PIEZO2: variants seen among roughly 807,000 people sequenced by gnomAD.
PIEZO2 encodes piezo-type mechanosensitive ion channel component 2.
A neutral mutation model predicts 337.3 loss-of-function variants in PIEZO2; 172 were observed. The observed-to-expected ratio is 0.51, with a 90% CI of 0.45 to 0.58. The LOEUF (loss-of-function observed/expected upper bound fraction) is 0.58. Ranked by LOEUF, PIEZO2 falls within the 20% of genes least tolerant of loss-of-function variation. PIEZO2 has a pLI of 0.00. For synonymous variants in PIEZO2, 1,251 were observed against 1,228.5 expected, an observed-to-expected ratio of 1.02 and a Z score of -0.38; for missense variants, 3,028 against 3,391.3, an observed-to-expected ratio of 0.89 and a Z score of 2.66.
At chr18:10,817,701 T>A (rs1968883) in intron 7 of PIEZO2, among the ~76,000 whole-genome samples, 28,339 of 151,856 alleles carry the variant, frequency 0.19, 2,698 homozygotes, top group Middle Eastern at 0.24. Context: ...AGGTGGGTGG[T>A]TCACGAGGTC....
chr18:10,915,897 TG>T (rs2030902711), intron 3 of PIEZO2, among the ~76,000 whole-genome samples: 1 of 151,722 alleles, frequency 6.6e-6, no homozygotes. Flanking sequence ...CACAGAGTGC[TG>T]ATTGGTGCAT....
Position 11,104,510 on chromosome 18 carries a change from GGGCA to G in PIEZO2, c.65-38292_65-38289del. Among the ~76,000 whole-genome samples, 1 of 152,172 alleles carries G rather than the reference GGGCA, an allele frequency of 6.6e-6. No individual in the cohort carries two copies. The highest frequency in any genetic ancestry group is 1.9e-4 in the East Asian group (1 of 5,178). On this transcript the variant is annotated intron_variant, in intron 1 of 55. Transcript: ENST00000674853. The surrounding 1 kb of genome is among the most constrained non-coding windows in gnomAD (Gnocchi z 4.6). The stretch of plus-strand genomic sequence containing the variant: ...AGGGGTGGGGCAGGGACGGCCTCCT[GGGCA>G]GGAGAGAAAGCTGGCCTGGAGCCAT...
rs1599003363 is a variant in PIEZO2 at position 11,128,833 on chromosome 18, A to C, written c.64+19692T>G. Among the ~76,000 whole-genome samples, 1 of 152,300 alleles carries C rather than the reference A, an allele frequency of 6.6e-6. No individual in the cohort carries two copies. Among genetic ancestry groups the C allele is most frequent in the East Asian group, 1.9e-4 (1 of 5,186 alleles). On this transcript the variant is annotated intron_variant, in intron 1 of 55. Coordinates refer to ENST00000674853, the MANE Select transcript of PIEZO2 (RefSeq NM_001378183.1). The surrounding 1 kb of genome is among the most constrained non-coding windows in gnomAD (Gnocchi z 4.1). ...GAACTGTTTGAGTTCTCTAATTTAT[A>C]TAAACAACAATCTGGAGAACAGGCC...
At chr18:10,967,218 C>T (rs1192413605) in intron 3 of PIEZO2, among the ~76,000 whole-genome samples, 4 of 151,920 alleles carry the variant, frequency 2.6e-5, no homozygotes, top group East Asian at 1.9e-4. Context: ...AAGATTTCAC[C>T]GTGTTAGCCA....
chr18:10,801,553 A>G lies in PIEZO2; in HGVS notation c.1201-125T>C, dbSNP rs1011388947. On this transcript the variant is annotated intron_variant, in intron 9 of 55. Transcript: ENST00000674853. ...TTAACTTGCTGATTGCTAGTATATT[A>G]ATATTGCCATGCAAAATATAAAAGG... 3.7e-6 allele frequency: 3 copies of G among 800,294 alleles called. No individual in the cohort carries two copies. The African/African-American group carries it at 5.2e-5, about 14-fold the overall frequency. The allele number at this position is 800,294 out of a possible 1,614,324, so 49.6% of individuals were successfully genotyped here. A position where few individuals can be genotyped will look rare whatever the true frequency, so the allele number is the denominator to read the frequency against.
At chr18:10,785,732 G>GCCT (rs1417917240) in intron 16 of PIEZO2, among the ~76,000 whole-genome samples, 1 of 151,886 alleles carries the variant, frequency 6.6e-6, no homozygotes, top group Non-Finnish European at 1.5e-5. Flanking sequence ...ATCCGTCTCT[G>GCCT]CCTCCACCAA....
At chr18:10,851,348 C>A (rs2144670145) in intron 7 of PIEZO2, among the ~76,000 whole-genome samples, 1 of 152,162 alleles carries the variant, frequency 6.6e-6, no homozygotes, top group Non-Finnish European at 1.5e-5. Flanking sequence ...CAACAAGGAA[C>A]TTTACATACT....
intron 3 of PIEZO2, among the ~76,000 whole-genome samples, chr18:10,975,735 G>T (rs2034417419): frequency 6.6e-6 from 1 of 152,016 alleles, no homozygotes; most frequent in African/African-American, 2.4e-5. Context: ...GAGGGTGAGG[G>T]TATGCATTTT....
intron 34 of PIEZO2, among the ~76,000 whole-genome samples, 89 bp from the exon 35 acceptor site, chr18:10,735,419 C>T (rs1020184522): frequency 3.9e-5 from 6 of 152,118 alleles, no homozygotes; most frequent in Admixed American, 1.3e-4. Context: ...TTTGTCTCTA[C>T]AGTTACACCA....
Position 10,871,105 on chromosome 18 carries a change from C to A in PIEZO2, c.492+148G>T, listed in dbSNP as rs1598609814. 7.2e-6 allele frequency: 6 copies of A among 836,060 alleles called. No individual in the cohort carries two copies. The East Asian group carries it at 1.7e-4, about 24-fold the overall frequency. 51.8% of individuals were successfully genotyped at this position (836,060 alleles called of 1,614,324 possible). On this transcript the variant is annotated intron_variant, in intron 5 of 55. Coordinates refer to ENST00000674853, the MANE Select transcript of PIEZO2 (RefSeq NM_001378183.1). ...GCCCACCGGGACTGCACGAGGGTGT[C>A]ATGCAATTTGACAGTAAACGTTTAT...
intron 49 of PIEZO2, among the ~76,000 whole-genome samples, chr18:10,685,537 G>C (rs941844324): frequency 6.6e-6 from 1 of 152,168 alleles, no homozygotes; most frequent in Non-Finnish European, 1.5e-5. Context: ...TTCCCTCATT[G>C]GGAGGCGGGG....
intron 2 of PIEZO2, among the ~76,000 whole-genome samples, chr18:11,057,303 C>G (rs181643713): frequency 1.3e-5 from 2 of 152,276 alleles, no homozygotes; most frequent in Admixed American, 1.3e-4. Flanking sequence ...GTTTAATGTT[C>G]TCTTTTTAAA....
chr18:10,725,132 T>G lies in PIEZO2; in HGVS notation c.5029+6275A>C, dbSNP rs923812721. Reference sequence around the variant, plus strand: ...CCACAGTTCGAGTACCAGGAGCCCATGCCTATGGCTGTGCTGAAGTACTGC... The same window carrying G: ...CCACAGTTCGAGTACCAGGAGCCCAGGCCTATGGCTGTGCTGAAGTACTGC... On this transcript the variant is annotated intron_variant, in intron 36 of 55. Transcript: ENST00000674853. The G allele has an allele frequency of 5.5e-6, 8 of 1,454,032 alleles. No homozygotes were observed. The Admixed American group carries it at 1.3e-4, about 24-fold the overall frequency. The allele number at this position is 1,454,032 out of a possible 1,614,324, so 90.1% of individuals were successfully genotyped here. A position where few individuals can be genotyped will look rare whatever the true frequency, so the allele number is the denominator to read the frequency against.
chr18:10,933,717 G>A (rs1460754338), intron 3 of PIEZO2, among the ~76,000 whole-genome samples: 1 of 152,206 alleles, frequency 6.6e-6, no homozygotes, highest in East Asian at 1.9e-4. Flanking sequence ...ATTTGGCTAT[G>A]TCCCCACCCA....
chr18:10,813,901 C>T lies in PIEZO2; in HGVS notation c.918-6627G>A, dbSNP rs761340399. On this transcript the variant is annotated intron_variant, in intron 7 of 55. Transcript: ENST00000674853. The surrounding 1 kb of genome is among the most constrained non-coding windows in gnomAD (Gnocchi z 4.2). ...CACAGTCTTCCAGTTTCCCTATAGC[C>T]TTGCCAAGTCTTGTTATTTTATGCT... Among the ~76,000 whole-genome samples, 1 of 152,064 alleles carries T rather than the reference C, an allele frequency of 6.6e-6. No individual in the cohort carries two copies. Among genetic ancestry groups the T allele is most frequent in the African/African-American group, 2.4e-5 (1 of 41,386 alleles).
At chr18:10,681,488 A>G (rs1462353307) in intron 51 of PIEZO2, among the ~76,000 whole-genome samples, 173 bp downstream of exon 51, 1 of 152,220 alleles carries the variant, frequency 6.6e-6, no homozygotes, top group Admixed American at 6.5e-5. Flanking sequence ...CATAGACATA[A>G]CTTCTTAGAT....
chr18:10,680,444 C>CT, intron 51 of PIEZO2, 73 bp from the exon 52 acceptor site: 1 of 1,339,672 alleles, frequency 7.5e-7, no homozygotes, highest in Non-Finnish European at 1.0e-6. Flanking sequence ...AGTCACTCTT[C>CT]CTTTTAACTG....
At position 10,714,928 on chromosome 18, in the gene PIEZO2, G is replaced by A. The variant is rs2035954133; in HGVS notation, c.5259C>T (p.Gly1753=). 12 of 1,536,860 alleles carry A rather than the reference G, an allele frequency of 7.8e-6. No homozygotes were observed. Among genetic ancestry groups the A allele is most frequent in the Non-Finnish European group, 8.7e-6 (10 of 1,146,792 alleles). ...RCMLTREIKK[G]NVPTRESIHM... is the part of the protein sequence containing the mutation. ...GGATGCTCTCCCGAGTTGGAACATTGCCCTGAGGAGAATGAGACATTGCCA... is the reference window on the plus strand; with the variant it reads ...GGATGCTCTCCCGAGTTGGAACATTACCCTGAGGAGAATGAGACATTGCCA... The change falls in exon 39 of 56, where the codon GGC becomes GGT. Residue 1753 remains glycine, a splice_region_variant and synonymous_variant. Coordinates refer to ENST00000674853, the MANE Select transcript of PIEZO2 (RefSeq NM_001378183.1).
chr18:10,970,834 G>C (rs1424916288), intron 3 of PIEZO2, among the ~76,000 whole-genome samples: 4 of 152,162 alleles, frequency 2.6e-5, no homozygotes, highest in Non-Finnish European at 5.9e-5. Context: ...ATATAAGGTA[G>C]GGAAGGAAGC....
Sources: allele counts gnomAD v4.1 joint callset (sites outside exome capture counted in the v4.1 genomes callset), GRCh38; gene constraint gnomAD v4.1.1; non-coding constraint Gnocchi (gnomAD v3.1); transcripts MANE v1.5; gene names NCBI Gene and HGNC (gene_info 2026-07-23, HGNC 2026-07-21).